The following TRPC3 variants were observed in gnomAD, a reference collection of about 807,000 sequenced individuals.
The protein encoded by TRPC3 is short transient receptor potential channel 3.
In TRPC3, 54 loss-of-function variants were observed where a neutral mutation model predicts 90.9. That is an observed-to-expected ratio of 0.59 (90% CI 0.48 to 0.75). The LOEUF (loss-of-function observed/expected upper bound fraction) is 0.75, where lower values mean the gene tolerates loss of function less well. Among genes scored for constraint, TRPC3 ranks in the 30% least tolerant of loss-of-function variants. The pLI, the probability that TRPC3 is intolerant of heterozygous loss-of-function variation, is 0.00. For synonymous variants in TRPC3, 424 were observed against 450.9 expected (o/e 0.94, Z 0.75); for missense variants, 918 against 1,194.5 (o/e 0.77, Z 3.41).
Position 121,951,621 on chromosome 4 carries a change from C to G in TRPC3, c.60G>C (p.Glu20Asp). ...CGTCCTCGCCCTCGTCTTCCTCCTC[C>G]TCCGGCGCCGGGAAGGTCACCCTTG... ...EQARVTFPAP[E>D]EEEDEGEDEG... Residue 20 changes from glutamate (E) to aspartate (D), a missense_variant, in exon 1 of 12, where the codon GAG becomes GAC. Physicochemically the swap from Glu to Asp is conservative, Grantham distance 45 (BLOSUM62 2). Around this residue, in one of 4 missense-constraint regions of TRPC3, gnomAD observed 609 missense variants for 725.9 expected, o/e 0.84. Transcript: ENST00000379645. This position sits in a 1 kb window ranked among gnomAD's most constrained non-coding sequence, Gnocchi z 4.4. The G allele has an allele frequency of 7.0e-7, 1 of 1,435,730 alleles. No individual in the cohort carries two copies. Among genetic ancestry groups the G allele is most frequent in the Non-Finnish European group, 9.2e-7 (1 of 1,086,430 alleles). The allele number at this position is 1,435,730 out of a possible 1,614,324, so 88.9% of individuals were successfully genotyped here. A position where few individuals can be genotyped will look rare whatever the true frequency, so the allele number is the denominator to read the frequency against.
At position 121,951,247 on chromosome 4, in the gene TRPC3, A is replaced by C. The variant is rs1331802038; in HGVS notation, c.215+219T>G. Reference sequence around the variant, plus strand: ...AGCCTGGACAGAGCCCCTGCCACGCACTCGGCAGCCCCTGTGTCCCTCCAC... The same window carrying C: ...AGCCTGGACAGAGCCCCTGCCACGCCCTCGGCAGCCCCTGTGTCCCTCCAC... On this transcript the variant is annotated intron_variant, in intron 1 of 11. Coordinates refer to ENST00000379645, the MANE Select transcript of TRPC3 (RefSeq NM_001130698.2). This position sits in a 1 kb window ranked among gnomAD's most constrained non-coding sequence, Gnocchi z 4.4. 2.0e-5 allele frequency among the ~76,000 whole-genome samples: 3 copies of C among 151,806 alleles called. No homozygotes were observed. The highest frequency in any genetic ancestry group is 1.5e-5 in the Non-Finnish European group (1 of 67,978).
rs574058814 is a variant in TRPC3, at chr4:121,934,211, C to A, written c.216-1169G>T. Among the ~76,000 whole-genome samples, 14 of 152,256 alleles carry A rather than the reference C, an allele frequency of 9.2e-5. No homozygotes were observed. The South Asian group carries it at 2.9e-3, about 32-fold the overall frequency. Reference sequence around the variant, plus strand: ...TTTCATTTCCTTGTGCATCCTTACGCCAGGTAGAAAATCGAATTTTATGAA... The same window carrying A: ...TTTCATTTCCTTGTGCATCCTTACGACAGGTAGAAAATCGAATTTTATGAA... On this transcript the variant is annotated intron_variant, in intron 1 of 11. Coordinates refer to ENST00000379645, the MANE Select transcript of TRPC3 (RefSeq NM_001130698.2).
chr4:121,890,676 A>G (rs1560687056), intron 10 of TRPC3, among the ~76,000 whole-genome samples: 1 of 152,190 alleles, frequency 6.6e-6, no homozygotes, highest in Non-Finnish European at 1.5e-5. Flanking sequence ...AAATTAAAAG[A>G]AGACTAAACG....
At chr4:121,926,703 G>A (rs1037032299) in intron 2 of TRPC3, among the ~76,000 whole-genome samples, 3 of 152,092 alleles carry the variant, frequency 2.0e-5, no homozygotes, top group African/African-American at 4.8e-5. Flanking sequence ...CACCGCACCC[G>A]GCCTCATTTT....
chr4:121,888,350 T>G (rs1728204178), intron 10 of TRPC3, among the ~76,000 whole-genome samples: 1 of 152,148 alleles, frequency 6.6e-6, no homozygotes, highest in Non-Finnish European at 1.5e-5. Flanking sequence ...AAATGCAAAG[T>G]CATGGCACTA....
chr4:121,922,056 C>T (rs183154858), intron 3 of TRPC3, among the ~76,000 whole-genome samples: 2 of 151,792 alleles, frequency 1.3e-5, no homozygotes, highest in African/African-American at 4.8e-5. Context: ...GTAGCTGCAA[C>T]TACAGGTGCC....
intron 2 of TRPC3, among the ~76,000 whole-genome samples, chr4:121,927,670 G>A (rs1349473192): frequency 1.3e-5 from 2 of 152,140 alleles, no homozygotes; most frequent in African/African-American, 4.8e-5. Context: ...AAGAGAGACT[G>A]TTTAAAGGCT....
Position 121,933,005 on chromosome 4 carries a change from C to G in TRPC3, c.253G>C (p.Val85Leu). Residue 85 changes from valine (V) to leucine (L), a missense_variant, in exon 2 of 12, where the codon GTG becomes CTG. Physicochemically the swap from Val to Leu is conservative, Grantham distance 32. Transcript: ENST00000379645. Reference protein sequence around the residue: ...EGSPSLRRMTVMREKGRRQAV... With the variant: ...EGSPSLRRMTLMREKGRRQAV... Reference sequence around the variant, plus strand: ...TGGCGCCGGCCCTTCTCCCGCATCACTGTCATGCGTCTCAGGGATGGGCTT... The same window carrying G: ...TGGCGCCGGCCCTTCTCCCGCATCAGTGTCATGCGTCTCAGGGATGGGCTT... The G allele has an allele frequency of 2.5e-6, 4 of 1,603,650 alleles. No homozygotes were observed. Among genetic ancestry groups the G allele is most frequent in the Non-Finnish European group, 3.4e-6 (4 of 1,173,902 alleles).
At chr4:121,909,170 T>C (rs968677723) in intron 6 of TRPC3, among the ~76,000 whole-genome samples, 1 of 152,194 alleles carries the variant, frequency 6.6e-6, no homozygotes, top group African/African-American at 2.4e-5. Context: ...TTTGCTCATT[T>C]GAACAAGTCT....
At chr4:121,924,344 T>C (rs529003253) in intron 3 of TRPC3, among the ~76,000 whole-genome samples, 1 of 152,330 alleles carries the variant, frequency 6.6e-6, no homozygotes, top group East Asian at 1.9e-4. Context: ...ATATCTTAAC[T>C]CATTTAAATT....
chr4:121,939,615 A>G (rs1323107409), intron 1 of TRPC3, among the ~76,000 whole-genome samples: 1 of 152,268 alleles, frequency 6.6e-6, no homozygotes, highest in African/African-American at 2.4e-5. Flanking sequence ...AGCCACCCTC[A>G]GCTCCTCTGT....
intron 1 of TRPC3, among the ~76,000 whole-genome samples, chr4:121,945,912 A>G (rs1730471220): frequency 6.6e-6 from 1 of 152,256 alleles, no homozygotes; most frequent in Non-Finnish European, 1.5e-5. Flanking sequence ...GAAATAAAGA[A>G]TGCTATAAAA....
chr4:121,952,038 TTGC>T lies in TRPC3; in HGVS notation c.-361_-359del, dbSNP rs1436233382. ...CGTCTCCTGTCTCCGACAGCATCACTTGCTAGGACAGCATCGTTACTCAGGGAG... is the reference window on the plus strand; with the variant it reads ...CGTCTCCTGTCTCCGACAGCATCACTTAGGACAGCATCGTTACTCAGGGAG... On this transcript the variant is annotated 5_prime_UTR_variant, in exon 1 of 12. The change abolishes the stop of an existing upstream ORF in the 5' untranslated region. Transcript: ENST00000379645. Among the ~76,000 whole-genome samples the T allele has an allele frequency of 6.7e-6, 1 of 148,894 alleles. No individual in the cohort carries two copies. The highest frequency in any genetic ancestry group is 2.0e-4 in the East Asian group (1 of 4,890).
rs770537554 is a variant in TRPC3, at chr4:121,912,062, T to C, written c.1373A>G (p.Lys458Arg). 3 of 1,613,504 alleles carry C rather than the reference T, an allele frequency of 1.9e-6. No homozygotes were observed. The highest frequency in any genetic ancestry group is 2.2e-5 in the South Asian group (2 of 91,056). The part of the protein sequence containing the change: ...LGKILRSPFM[K>R]FVAHAASFII... ...GAAAGAAGCTGCATGTGCTACAAACTTCATAAAAGGGCTTCGCAGAATTTT... is the reference window on the plus strand; with the variant it reads ...GAAAGAAGCTGCATGTGCTACAAACCTCATAAAAGGGCTTCGCAGAATTTT... The change falls in exon 5 of 12, where the codon AAG becomes AGG. Residue 458 changes from lysine (K) to arginine (R), a missense_variant. By Grantham distance (26) the Lys-to-Arg change is conservative (BLOSUM62 2). Around this residue, in one of 4 missense-constraint regions of TRPC3, gnomAD observed 609 missense variants for 725.9 expected, o/e 0.84. Transcript: ENST00000379645.
At chr4:121,930,808 GT>G (rs1729877913) in intron 2 of TRPC3, 1 of 319,754 alleles carries the variant, frequency 3.1e-6, no homozygotes, top group Admixed American at 5.2e-5. Context: ...GGAATTTGGA[GT>G]TTTCAACTTG....
At chr4:121,912,147 T>G (rs1729131636) in intron 4 of TRPC3, 54 bp from the exon 5 acceptor site, 1 of 1,522,836 alleles carries the variant, frequency 6.6e-7, no homozygotes, top group Non-Finnish European at 9.0e-7. Flanking sequence ...CTTTCACTTG[T>G]GGAGATTACA....
At chr4:121,945,790 G>C (rs1250628619) in intron 1 of TRPC3, among the ~76,000 whole-genome samples, 1 of 152,098 alleles carries the variant, frequency 6.6e-6, no homozygotes, top group East Asian at 1.9e-4. Context: ...AGGGGGGCAG[G>C]AACTAGGAAC....
In TRPC3 at chr4:121,931,235, G is replaced by T. The variant is rs1166260145; in HGVS notation, c.987+1036C>A. 3.3e-5 allele frequency among the ~76,000 whole-genome samples: 5 copies of T among 152,158 alleles called. No individual in the cohort carries two copies. In the South Asian group the frequency reaches 1.0e-3, roughly 31 times the overall value. On this transcript the variant is annotated intron_variant, in intron 2 of 11. Coordinates refer to ENST00000379645, the MANE Select transcript of TRPC3 (RefSeq NM_001130698.2). Reference sequence around the variant, plus strand: ...ATAAAAACCATATTCAGATGTGAAAGAATAATCACTTTTTCTGTGATCTGA... The same window carrying T: ...ATAAAAACCATATTCAGATGTGAAATAATAATCACTTTTTCTGTGATCTGA...
intron 6 of TRPC3, among the ~76,000 whole-genome samples, chr4:121,908,783 A>G (rs1460094218): frequency 6.6e-6 from 1 of 152,140 alleles, no homozygotes; most frequent in Non-Finnish European, 1.5e-5. Flanking sequence ...GTACCCAGGT[A>G]ATGAGGTCAT....
Sources: gnomAD v4.1 joint callset for allele counts (sites outside exome capture counted in the v4.1 genomes callset) on GRCh38, gnomAD v4.1.1 for gene constraint, gnomAD v4.1.1 regional missense constraint, Gnocchi (gnomAD v3.1) non-coding constraint, MANE v1.5 for transcripts, NCBI Gene and HGNC (gene_info 2026-07-23, HGNC 2026-07-21) for gene names.